MAST4: variants seen among roughly 807,000 people sequenced by gnomAD.
The protein encoded by MAST4 is microtubule-associated serine/threonine-protein kinase 4.
In MAST4, 89 loss-of-function variants were observed where a neutral mutation model predicts 162.7. That is an observed-to-expected ratio of 0.55 (90% confidence interval 0.46 to 0.65). The LOEUF (loss-of-function observed/expected upper bound fraction) is 0.65, where lower values mean the gene tolerates loss of function less well. MAST4 is among the 30% of genes least tolerant of loss of function. The probability of loss-of-function intolerance (pLI) is 0.00; values close to 1 mark genes in which losing one functional copy is unlikely to be tolerated. For synonymous variants in MAST4, 1,479 were observed against 1,361.1 expected, an observed-to-expected ratio of 1.09 and a Z score of -1.91; for missense variants, 3,153 against 3,374.0, an observed-to-expected ratio of 0.93 and a Z score of 1.62.
In MAST4 at chr5:67,042,734, A is replaced by C. The variant is rs114499399; in HGVS notation, c.675-11670A>C. On this transcript the variant is annotated intron_variant, in intron 4 of 28. Transcript: ENST00000403625. ...ACTTCTGCCCATTATCACAGCTTTG[A>C]CATTCATGTCATTAACAGAATGTCA... Among the ~76,000 whole-genome samples the C allele has an allele frequency of 7.5e-3, 1,143 of 152,352 alleles. 10 individuals are homozygous for C. The highest frequency in any genetic ancestry group is 0.014 in the Middle Eastern group (4 of 294).
At chr5:66,958,954 CT>C in intron 4 of MAST4, 66 of 370,054 alleles carry the variant, frequency 1.8e-4, no homozygotes, top group Middle Eastern at 7.5e-4. Flanking sequence ...GAGCGACTTT[CT>C]TTAAAAAAAA....
rs577558811 is a variant in MAST4, at chr5:66,596,840, AGCCGCCGCC to A, written c.196_204del (p.Pro66_Pro68del). On this transcript the variant is annotated inframe_deletion, in exon 1 of 29. Transcript: ENST00000403625. Reference sequence around the variant, plus strand: ...CCCGGCGGCTTCTCCAGAGAGCATCAGCCGCCGCCGCCGCCGCCGTTGGGAGGCACCCTG... The same window carrying A: ...CCCGGCGGCTTCTCCAGAGAGCATCAGCCGCCGCCGTTGGGAGGCACCCTG... 1 of 1,242,996 alleles carries A rather than the reference AGCCGCCGCC, an allele frequency of 8.0e-7. No homozygotes were observed. Among genetic ancestry groups the A allele is most frequent in the Non-Finnish European group, 1.0e-6 (1 of 990,274 alleles). 77.0% of individuals were successfully genotyped at this position (1,242,996 alleles called of 1,614,324 possible).
At position 66,770,901 on chromosome 5, in the gene MAST4, C is replaced by T. The variant is rs1248698470; in HGVS notation, c.517+11039C>T. 2.6e-5 allele frequency among the ~76,000 whole-genome samples: 4 copies of T among 152,150 alleles called. No individual in the cohort carries two copies. In the East Asian group the frequency reaches 7.7e-4, roughly 29 times the overall value. On this transcript the variant is annotated intron_variant, in intron 2 of 28. Transcript: ENST00000403625. ...AGTTTCTCTTAAGATGCTTGAAGCC[C>T]CCTTTGCAGAGCAAAAGGTAACATA...
Position 66,725,510 on chromosome 5 carries a change from T to TAG in MAST4, c.364-34199_364-34198insAG, listed in dbSNP as rs531228166. On this transcript the variant is annotated intron_variant, in intron 1 of 28. Transcript: ENST00000403625. ...CTCAAAATGTGGATACTAAAAGCCC[T>TAG]GTCCTTTGTACCTTCATGCTGAAAA... Among the ~76,000 whole-genome samples the TAG allele has an allele frequency of 1.3e-3, 195 of 152,330 alleles. 1 individual carries two copies. Among genetic ancestry groups the TAG allele is most frequent in the African/African-American group, 4.6e-3 (193 of 41,584 alleles).
chr5:66,635,791 G>A (rs1439419071), intron 1 of MAST4, among the ~76,000 whole-genome samples: 2 of 151,648 alleles, frequency 1.3e-5, no homozygotes, highest in Non-Finnish European at 2.9e-5. Context: ...TTAACATGGA[G>A]ATAGGGGAGA....
At chr5:67,146,190 T>C (rs1433950724) in intron 23 of MAST4, among the ~76,000 whole-genome samples, 2 of 152,176 alleles carry the variant, frequency 1.3e-5, no homozygotes, top group Non-Finnish European at 2.9e-5. Flanking sequence ...GCTTGGGCCT[T>C]TGAAAGCACT....
chr5:66,897,776 T>C (rs1478841890), intron 3 of MAST4, among the ~76,000 whole-genome samples: 1 of 152,216 alleles, frequency 6.6e-6, no homozygotes, highest in Non-Finnish European at 1.5e-5. Flanking sequence ...CTGTAACCTT[T>C]CTCCTTGTTT....
chr5:66,902,949 T>C (rs778800742), intron 4 of MAST4, among the ~76,000 whole-genome samples: 1 of 152,138 alleles, frequency 6.6e-6, no homozygotes, highest in East Asian at 1.9e-4. Context: ...AATCGTGATA[T>C]AGTCAGATAA....
chr5:66,865,320 C>G (rs1001717695), intron 3 of MAST4, among the ~76,000 whole-genome samples: 1 of 152,216 alleles, frequency 6.6e-6, no homozygotes. Context: ...TTGGACCACT[C>G]ATTTCCACTG....
chr5:67,004,980 G>A (rs1751803521), intron 4 of MAST4: 4 of 764,444 alleles, frequency 5.2e-6, no homozygotes, highest in Non-Finnish European at 9.7e-6. Context: ...ACAGTGAATT[G>A]AAGAGAGAAA....
chr5:66,819,775 A>ATT (rs33985795), intron 3 of MAST4, among the ~76,000 whole-genome samples: 46,399 of 137,172 alleles, frequency 0.34, 8,193 homozygotes, highest in Non-Finnish European at 0.36. Flanking sequence ...TCACTGTGGG[A>ATT]TTTTTTTTTT....
chr5:66,847,479 C>T (rs1344218840), intron 3 of MAST4, among the ~76,000 whole-genome samples: 1 of 152,076 alleles, frequency 6.6e-6, no homozygotes, highest in African/African-American at 2.4e-5. Context: ...CTAAGTAATA[C>T]AAAAATTAGC....
chr5:66,879,357 CACACATATAT>C (rs1467618866), intron 3 of MAST4, among the ~76,000 whole-genome samples: 3 of 40,288 alleles, frequency 7.4e-5, no homozygotes, highest in Non-Finnish European at 1.8e-4. Context: ...CACACACACA[CACACATATAT>C]ATATATATAT....
chr5:66,968,256 G>A (rs1306466049), intron 4 of MAST4, among the ~76,000 whole-genome samples: 1 of 152,156 alleles, frequency 6.6e-6, no homozygotes, highest in Non-Finnish European at 1.5e-5. Context: ...TGCATGTCTT[G>A]TGTTCCTTGT....
intron 3 of MAST4, among the ~76,000 whole-genome samples, chr5:66,847,820 C>CAAAAAAAAAAAAAAA (rs777825639): frequency 5.4e-4 from 29 of 54,140 alleles, no homozygotes; most frequent in African/African-American, 1.7e-3. Context: ...GACTCCTTCT[C>CAAAAAAAAAAAAAAA]AAAAAAAAAA....
At chr5:66,864,842 A>G (rs1373677512) in intron 3 of MAST4, among the ~76,000 whole-genome samples, 1 of 152,178 alleles carries the variant, frequency 6.6e-6, no homozygotes, top group Non-Finnish European at 1.5e-5. Flanking sequence ...CTGTTGTTGA[A>G]GCTACCCAGT....
At chr5:67,150,926 A>G (rs1771718802) in intron 24 of MAST4, among the ~76,000 whole-genome samples, 1 of 152,160 alleles carries the variant, frequency 6.6e-6, no homozygotes, top group African/African-American at 2.4e-5. Context: ...GAACAAGCAT[A>G]AGAATTGAAA....
At chr5:66,695,509 G>T (rs1580219875) in intron 1 of MAST4, among the ~76,000 whole-genome samples, 1 of 151,990 alleles carries the variant, frequency 6.6e-6, no homozygotes, top group Admixed American at 6.6e-5. Flanking sequence ...CTCTTTTTTG[G>T]TTCCATATGA....
At chr5:66,789,786 A>C (rs759712345) in intron 3 of MAST4, 8 of 518,138 alleles carry the variant, frequency 1.5e-5, no homozygotes, top group South Asian at 7.0e-5. Context: ...CTTTTAAGCA[A>C]TGCAAATACG....
Sources: gnomAD v4.1 joint callset for allele counts (sites outside exome capture counted in the v4.1 genomes callset) on GRCh38, gnomAD v4.1.1 for gene constraint, MANE v1.5 for transcripts, NCBI Gene and HGNC (gene_info 2026-07-23, HGNC 2026-07-21) for gene names.